RIPOR1: variants seen among roughly 807,000 people sequenced by gnomAD.
RIPOR1 encodes RHO family interacting cell polarization regulator 1.
A neutral mutation model predicts 116.5 loss-of-function variants in RIPOR1; 58 were observed. The observed-to-expected ratio is 0.50, with a 90% confidence interval of 0.40 to 0.62. The LOEUF (loss-of-function observed/expected upper bound fraction) is 0.62, where lower values mean the gene tolerates loss of function less well. RIPOR1 is among the 20% of genes least tolerant of loss of function. The pLI is 0.00. For synonymous variants in RIPOR1, 605 were observed against 650.0 expected (o/e 0.93, Z 1.05); for missense variants, 1,372 against 1,586.2 (o/e 0.86, Z 2.29).
intron 1 of RIPOR1, 85 bp downstream of exon 1, chr16:67,528,999 C>T (rs915504279): frequency 9.6e-5 from 16 of 167,244 alleles, no homozygotes; most frequent in Non-Finnish European, 5.2e-5. Flanking sequence ...CGGCGCCGCC[C>T]GGTGGGTCCG....
rs749736508 is a variant in RIPOR1, at chr16:67,541,972, C to A, written c.1186C>A (p.His396Asn). ...CCCACAGCTCTCAGGCACTGCCCGC[C>A]ACTCACCAGCCCCTAGGCCCCTGGT... The part of the protein sequence containing the change: ...SSPQLSGTAR[H>N]SPAPRPLVQQ... Residue 396 changes from histidine to asparagine, a missense_variant, in exon 13 of 22, where the codon CAC becomes AAC. By Grantham distance (68) the His-to-Asn change is moderately conservative. This residue lies in a region of RIPOR1 where 1,005 missense variants were observed against 1,144.7 expected (regional missense o/e 0.88). Transcript: ENST00000042381. The surrounding 1 kb of genome is among the most constrained non-coding windows in gnomAD (Gnocchi z 4.6). 6.2e-7 allele frequency: 1 copy of A among 1,612,506 alleles called. No homozygotes were observed.
chr16:67,524,138 A>C (rs576677928), upstream of RIPOR1, among the ~76,000 whole-genome samples: 12 of 152,312 alleles, frequency 7.9e-5, no homozygotes, highest in Admixed American at 7.2e-4. Flanking sequence ...ACTTCTTCAA[A>C]TAGCAATTTT....
In RIPOR1 at chr16:67,544,748, G is replaced by C; in HGVS notation, c.2787G>C (p.Arg929=). The change falls in exon 16 of 22, where the codon CGG becomes CGC. Residue 929 remains arginine (R), a synonymous_variant. Transcript: ENST00000042381. The surrounding 1 kb of genome is among the most constrained non-coding windows in gnomAD (Gnocchi z 5.1). The stretch of plus-strand genomic sequence containing the variant: ...GCCAGGAGGCATGGGCCCTGGAGCG[G>C]CTGCTGCGGGAAGCCCGAGTACTGG... The part of the protein sequence containing the change: ...LRCQEAWALE[R]LLREARVLEA... 6.2e-7 allele frequency: 1 copy of C among 1,612,512 alleles called. No individual in the cohort carries two copies. Among genetic ancestry groups the C allele is most frequent in the Non-Finnish European group, 8.5e-7 (1 of 1,179,262 alleles).
chr16:67,534,351 C>T (rs572127402), intron 1 of RIPOR1, among the ~76,000 whole-genome samples: 1 of 151,064 alleles, frequency 6.6e-6, no homozygotes, highest in African/African-American at 2.4e-5. Context: ...AACTCCTAGC[C>T]TCAGTGATCC....
In RIPOR1 at chr16:67,540,358, T is replaced by C. The variant is rs747224418; in HGVS notation, c.626T>C (p.Met209Thr). ...CAGCTGGGCGAGTTTCATCTCCGAATGAAAGGTACTGAGTTGTGGGGGCAG... is the reference window on the plus strand; with the variant it reads ...CAGCTGGGCGAGTTTCATCTCCGAACGAAAGGTACTGAGTTGTGGGGGCAG... ...EAQLGEFHLR[M>T]KGLAGFARLC... The change falls in exon 8 of 22, where the codon ATG (methionine) becomes ACG (threonine). Residue 209 changes from methionine to threonine, a missense_variant. Transcript: ENST00000042381. The surrounding 1 kb of genome is among the most constrained non-coding windows in gnomAD (Gnocchi z 4.7). The C allele has an allele frequency of 1.2e-6, 2 of 1,614,016 alleles. No homozygotes were observed. The highest frequency in any genetic ancestry group is 4.5e-5 in the East Asian group (2 of 44,868).
In RIPOR1 at chr16:67,537,863, G is replaced by C. The variant is rs1030842568; in HGVS notation, c.-23-561G>C. 9.9e-5 allele frequency among the ~76,000 whole-genome samples: 15 copies of C among 151,856 alleles called. No individual in the cohort carries two copies. Among genetic ancestry groups the C allele is most frequent in the Non-Finnish European group, 1.9e-4 (13 of 67,914 alleles). On this transcript the variant is annotated intron_variant, in intron 1 of 21. Transcript: ENST00000042381. The surrounding 1 kb of genome is among the most constrained non-coding windows in gnomAD (Gnocchi z 4.6). ...TGGAGGGCGCCGGGACGCCCGGGCC[G>C]GTGGGGGCTGGGGGCAGCAGGTCAC...
intron 1 of RIPOR1, among the ~76,000 whole-genome samples, chr16:67,534,346 C>G (rs2050738923): frequency 6.6e-6 from 1 of 151,612 alleles, no homozygotes; most frequent in African/African-American, 2.4e-5. Context: ...TCTCAAACTC[C>G]TAGCCTCAGT....
intron 1 of RIPOR1, chr16:67,518,762 C>T (rs1376947610): frequency 6.6e-6 from 1 of 152,522 alleles, no homozygotes; most frequent in Non-Finnish European, 1.5e-5. Context: ...TCAGGTGACT[C>T]AACCTGCACC....
rs1431779889 is a variant in RIPOR1 at position 67,531,453 on chromosome 16, A to AT, written c.-24+2540dup. On this transcript the variant is annotated intron_variant, in intron 1 of 21. Coordinates refer to ENST00000042381, the MANE Select transcript of RIPOR1 (RefSeq NM_024519.4). This position sits in a 1 kb window ranked among gnomAD's most constrained non-coding sequence, Gnocchi z 4.2. ...CTAAAGGAGAACTGACAACTGGGTT[A>AT]TGTGGTCTCGGGGTTCAGAGGGAGG... is the stretch of plus-strand genomic sequence containing the variant. 5 of 342,334 alleles carry AT rather than the reference A, an allele frequency of 1.5e-5. No individual in the cohort carries two copies. The Admixed American group carries it at 1.5e-4, about 11-fold the overall frequency. 21.2% of individuals were successfully genotyped at this position (342,334 alleles called of 1,614,324 possible).
upstream of RIPOR1, among the ~76,000 whole-genome samples, chr16:67,525,899 T>G (rs2050535931): frequency 6.6e-6 from 1 of 152,174 alleles, no homozygotes; most frequent in African/African-American, 2.4e-5. Context: ...TTGCCTTCCC[T>G]GAGCTTCAGG....
rs373856935 is a variant in RIPOR1, at chr16:67,544,808, C to T, written c.2847C>T (p.Ile949=). The change falls in exon 16 of 22, where the codon ATC becomes ATT. Residue 949 remains isoleucine, a synonymous_variant. Transcript: ENST00000042381. This position sits in a 1 kb window ranked among gnomAD's most constrained non-coding sequence, Gnocchi z 5.1. ...GCGAGTTCAGCAGGCGGTGGGAGAT[C>T]CCGGCCAGCTCTGCCCAGGAAGGTA... is the stretch of plus-strand genomic sequence containing the variant. The part of the protein sequence containing the change: ...AVCEFSRRWE[I]PASSAQEVVQ... 1.3e-6 allele frequency: 2 copies of T among 1,596,700 alleles called. No individual in the cohort carries two copies. Among genetic ancestry groups the T allele is most frequent in the Middle Eastern group, 1.7e-4 (1 of 6,022 alleles).
In RIPOR1 at chr16:67,544,811, G is replaced by A. The variant is rs146173403; in HGVS notation, c.2850G>A (p.Pro950=). ...AGTTCAGCAGGCGGTGGGAGATCCC[G>A]GCCAGCTCTGCCCAGGAAGGTAAAG... ...VCEFSRRWEI[P]ASSAQEVVQF... The change falls in exon 16 of 22, where the codon CCG becomes CCA. Residue 950 remains proline, a synonymous_variant. Coordinates refer to ENST00000042381, the MANE Select transcript of RIPOR1 (RefSeq NM_024519.4). This position sits in a 1 kb window ranked among gnomAD's most constrained non-coding sequence, Gnocchi z 5.1. The A allele has an allele frequency of 1.9e-5, 31 of 1,595,818 alleles. No homozygotes were observed. Among genetic ancestry groups the A allele is most frequent in the East Asian group, 9.0e-5 (4 of 44,446 alleles).
intron 4 of RIPOR1, chr16:67,539,493 A>G: frequency 3.3e-6 from 2 of 599,250 alleles, no homozygotes; most frequent in Non-Finnish European, 3.0e-6. Flanking sequence ...CTGCAGGAAA[A>G]GGAATCCCAG....
In RIPOR1 at chr16:67,545,899, G is replaced by T. The variant is rs1443567917; in HGVS notation, c.3387+39G>T. 3.7e-6 allele frequency: 6 copies of T among 1,612,822 alleles called. No individual in the cohort carries two copies. Among genetic ancestry groups the T allele is most frequent in the Non-Finnish European group, 4.2e-6 (5 of 1,179,356 alleles). ...GGCTCCCTTGAGGGCGAGGGCTGGG[G>T]TCCTGGACTCCCACTGTCTGGCTAA... is the stretch of plus-strand genomic sequence containing the variant. On this transcript the variant is annotated intron_variant, in intron 19 of 21. Coordinates refer to ENST00000042381, the MANE Select transcript of RIPOR1 (RefSeq NM_024519.4). This position sits in a 1 kb window ranked among gnomAD's most constrained non-coding sequence, Gnocchi z 4.8.
Position 67,537,589 on chromosome 16 carries a change from A to G in RIPOR1, c.-23-835A>G, listed in dbSNP as rs1330660704. ...CGTCCCGGACCCACCATGAACACCA[A>G]GAAGAGAGGTAGGACCCAGCTCGGG... is the stretch of plus-strand genomic sequence containing the variant. On this transcript the variant is annotated intron_variant, in intron 1 of 21. Transcript: ENST00000042381. This position sits in a 1 kb window ranked among gnomAD's most constrained non-coding sequence, Gnocchi z 4.6. 2.8e-6 allele frequency: 4 copies of G among 1,421,714 alleles called. No individual in the cohort carries two copies. In the South Asian group the frequency reaches 4.3e-5, roughly 15 times the overall value. The allele number at this position is 1,421,714 out of a possible 1,614,324, so 88.1% of individuals were successfully genotyped here. A position where few individuals can be genotyped will look rare whatever the true frequency, so the allele number is the denominator to read the frequency against.
In RIPOR1 at chr16:67,543,902, A is replaced by G; in HGVS notation, c.2601-397A>G. The G allele has an allele frequency of 2.8e-6, 1 of 355,718 alleles. No homozygotes were observed. The highest frequency in any genetic ancestry group is 5.9e-5 in the East Asian group (1 of 17,086). The allele number at this position is 355,718 out of a possible 1,614,324, so 22.0% of individuals were successfully genotyped here. On this transcript the variant is annotated intron_variant, in intron 14 of 21. Transcript: ENST00000042381. This position sits in a 1 kb window ranked among gnomAD's most constrained non-coding sequence, Gnocchi z 4.7. ...CTCTCCCAGAGGCCCTGGCCCCTCAACTGTCAGTCCTGGAGTGGCCTTTGC... is the reference window on the plus strand; with the variant it reads ...CTCTCCCAGAGGCCCTGGCCCCTCAGCTGTCAGTCCTGGAGTGGCCTTTGC...
chr16:67,529,741 A>G lies in RIPOR1; in HGVS notation c.-24+827A>G, dbSNP rs1011386817. Reference sequence around the variant, plus strand: ...CTACTGTGCGCAGCCTCGTGTAACAATACTTGTGCCCTGGCTGCAGTCTGC... The same window carrying G: ...CTACTGTGCGCAGCCTCGTGTAACAGTACTTGTGCCCTGGCTGCAGTCTGC... On this transcript the variant is annotated intron_variant, in intron 1 of 21. Transcript: ENST00000042381. This position sits in a 1 kb window ranked among gnomAD's most constrained non-coding sequence, Gnocchi z 4.1. 4.1e-5 allele frequency: 63 copies of G among 1,533,402 alleles called. No individual in the cohort carries two copies. The highest frequency in any genetic ancestry group is 5.2e-5 in the Non-Finnish European group (60 of 1,146,196). 95.0% of individuals were successfully genotyped at this position (1,533,402 alleles called of 1,614,324 possible).
Position 67,544,921 on chromosome 16 carries a change from G to C in RIPOR1, c.2870-35G>C. 2 of 1,608,236 alleles carry C rather than the reference G, an allele frequency of 1.2e-6. No individual in the cohort carries two copies. Among genetic ancestry groups the C allele is most frequent in the Non-Finnish European group, 1.7e-6 (2 of 1,178,144 alleles). On this transcript the variant is annotated intron_variant, in intron 16 of 21. Transcript: ENST00000042381. The surrounding 1 kb of genome is among the most constrained non-coding windows in gnomAD (Gnocchi z 5.1). ...CTGCATGCTCTCTACTCACCTGCCTGCCTGTTGCTGACGGTTTCCCTCACC... is the reference window on the plus strand; with the variant it reads ...CTGCATGCTCTCTACTCACCTGCCTCCCTGTTGCTGACGGTTTCCCTCACC...
chr16:67,540,471 C>CG lies in RIPOR1; in HGVS notation c.646dup (p.Ala216GlyfsTer10). ...CCTCCAACTCAGGGCTGGCTGGCTTCGCCAGGCTGTGTGTAGGCGATCAGT... is the reference window on the plus strand; with the variant it reads ...CCTCCAACTCAGGGCTGGCTGGCTTCGGCCAGGCTGTGTGTAGGCGATCAGT... On this transcript the variant is annotated frameshift_variant, in exon 9 of 22. Transcript: ENST00000042381. LOFTEE classifies it high-confidence loss of function. The surrounding 1 kb of genome is among the most constrained non-coding windows in gnomAD (Gnocchi z 4.7). 6.2e-7 allele frequency: 1 copy of CG among 1,614,180 alleles called. No individual in the cohort carries two copies. The highest frequency in any genetic ancestry group is 1.7e-5 in the Admixed American group (1 of 60,030).
Sources: allele counts gnomAD v4.1 joint callset (sites outside exome capture counted in the v4.1 genomes callset), GRCh38; gene constraint gnomAD v4.1.1; regional missense constraint gnomAD v4.1.1; non-coding constraint Gnocchi (gnomAD v3.1); transcripts MANE v1.5; gene names NCBI Gene and HGNC (gene_info 2026-07-23, HGNC 2026-07-21).